Variants in PHACTR1 observed in about 807,000 individuals in gnomAD.
PHACTR1 encodes RPEL repeat containing 1.
A neutral mutation model predicts 69.2 loss-of-function variants in PHACTR1; 16 were observed. That is an observed-to-expected ratio of 0.23 (90% CI 0.16 to 0.35). The LOEUF (loss-of-function observed/expected upper bound fraction) is 0.35. Among genes scored for constraint, PHACTR1 ranks in the 10% least tolerant of loss-of-function variants. PHACTR1 has a pLI of 1.00. For synonymous variants in PHACTR1, 312 were observed against 284.5 expected (o/e 1.10, Z -0.97); for missense variants, 510 against 734.7 (o/e 0.69, Z 3.54).
intron 7 of PHACTR1, among the ~76,000 whole-genome samples, chr6:13,189,931 T>C (rs1296907091): frequency 6.6e-6 from 1 of 151,876 alleles, no homozygotes; most frequent in African/African-American, 2.4e-5. Context: ...CGGTTTCTAG[T>C]GACATATCTT....
intron 4 of PHACTR1, among the ~76,000 whole-genome samples, chr6:13,035,072 C>A (rs1803112536): frequency 6.6e-6 from 1 of 152,154 alleles, no homozygotes; most frequent in African/African-American, 2.4e-5. Context: ...TTGTGCCTGG[C>A]ATGATAATAT....
intron 4 of PHACTR1, among the ~76,000 whole-genome samples, chr6:12,887,475 C>T (rs927682899): frequency 1.3e-5 from 2 of 152,186 alleles, no homozygotes; most frequent in African/African-American, 4.8e-5. Flanking sequence ...TAGCCTCTTT[C>T]CTCCATCCTG....
At chr6:13,162,489 C>A (rs1318309161) in intron 6 of PHACTR1, among the ~76,000 whole-genome samples, 1 of 152,106 alleles carries the variant, frequency 6.6e-6, no homozygotes, top group South Asian at 2.1e-4. Flanking sequence ...CATATTCACC[C>A]CCCAGGAGAG....
chr6:12,749,170 A>C (rs1766200298), intron 3 of PHACTR1, among the ~76,000 whole-genome samples: 1 of 152,224 alleles, frequency 6.6e-6, no homozygotes. Context: ...AGGAGACCGT[A>C]GTGTGCACTT....
At chr6:12,878,021 C>A (rs1277997507) in intron 4 of PHACTR1, among the ~76,000 whole-genome samples, 6 of 152,184 alleles carry the variant, frequency 3.9e-5, no homozygotes, top group Non-Finnish European at 8.8e-5. Context: ...GTTTCCCAGT[C>A]ATATCATGCT....
chr6:12,886,856 C>T (rs1016616054), intron 4 of PHACTR1, among the ~76,000 whole-genome samples: 2 of 151,984 alleles, frequency 1.3e-5, no homozygotes, highest in African/African-American at 4.8e-5. Flanking sequence ...AAAAAAAATG[C>T]CTTTGCTGTC....
chr6:12,729,568 A>G (rs1763222719), intron 3 of PHACTR1, among the ~76,000 whole-genome samples: 1 of 152,204 alleles, frequency 6.6e-6, no homozygotes, highest in Admixed American at 6.5e-5. Context: ...GTAAGAGAAG[A>G]CTAGAACAGC....
intron 4 of PHACTR1, among the ~76,000 whole-genome samples, chr6:12,848,193 C>G (rs1364838150): frequency 6.6e-6 from 1 of 152,066 alleles, no homozygotes; most frequent in African/African-American, 2.4e-5. Context: ...GAGTAACTAA[C>G]CAACCCACAC....
rs114204573 is a variant in PHACTR1 at position 12,929,514 on chromosome 6, C to T, written c.251-123851C>T. Among the ~76,000 whole-genome samples, 582 of 152,272 alleles carry T rather than the reference C, an allele frequency of 3.8e-3. 6 individuals are homozygous for T. The highest frequency in any genetic ancestry group is 0.013 in the African/African-American group (557 of 41,552). ...TCTCAAATGTTATCCTCAGATGATG[C>T]ATTGGCCCTTTATTGGAAGAACTTG... On this transcript the variant is annotated intron_variant, in intron 4 of 14. Coordinates refer to ENST00000332995, the MANE Select transcript of PHACTR1 (RefSeq NM_030948.6).
intron 5 of PHACTR1, among the ~76,000 whole-genome samples, chr6:13,130,851 C>A (rs1233866057): frequency 6.6e-6 from 1 of 151,704 alleles, no homozygotes; most frequent in Non-Finnish European, 1.5e-5. Context: ...AAGGACATAA[C>A]AAAAAAAGAA....
At chr6:12,957,267 A>G (rs2127560825) in intron 4 of PHACTR1, 1 of 785,594 alleles carries the variant, frequency 1.3e-6, no homozygotes, top group East Asian at 1.3e-4. Context: ...AAAAAAAAAA[A>G]AAAAAAAAGC....
intron 4 of PHACTR1, among the ~76,000 whole-genome samples, chr6:12,850,479 T>A (rs1779724681): frequency 6.6e-6 from 1 of 152,184 alleles, no homozygotes; most frequent in African/African-American, 2.4e-5. Context: ...CTTTACTTCT[T>A]CATCATTTGT....
intron 4 of PHACTR1, among the ~76,000 whole-genome samples, chr6:12,810,915 A>G (rs865983198): frequency 6.6e-6 from 1 of 152,220 alleles, no homozygotes; most frequent in Non-Finnish European, 1.5e-5. Context: ...CCAGTTGCCC[A>G]TGAGTATCAG....
At chr6:13,253,183 C>T (rs1398902353) in intron 10 of PHACTR1, 6 of 299,350 alleles carry the variant, frequency 2.0e-5, no homozygotes, top group Admixed American at 3.5e-5. Context: ...TGGCCCTTTG[C>T]GGGTGACATT....
At chr6:12,984,823 G>C (rs1795946193) in intron 4 of PHACTR1, among the ~76,000 whole-genome samples, 3 of 152,184 alleles carry the variant, frequency 2.0e-5, no homozygotes, top group African/African-American at 7.2e-5. Flanking sequence ...TATAATACTG[G>C]AGAGTTCATC....
chr6:13,274,205 C>G (rs551612086), intron 11 of PHACTR1: 5 of 152,328 alleles, frequency 3.3e-5, no homozygotes, highest in African/African-American at 1.2e-4. Flanking sequence ...GCCGCCACTT[C>G]CTCAACTCTC....
intron 4 of PHACTR1, among the ~76,000 whole-genome samples, chr6:12,833,294 T>C (rs1035020062): frequency 2.6e-5 from 4 of 151,832 alleles, no homozygotes; most frequent in Non-Finnish European, 5.9e-5. Context: ...AGTCCTGCTC[T>C]GTCACCCAGG....
intron 5 of PHACTR1, among the ~76,000 whole-genome samples, chr6:13,099,844 A>T (rs115868663): frequency 0.015 from 2,276 of 152,326 alleles, 70 homozygotes; most frequent in African/African-American, 0.052. Flanking sequence ...CAAGACACAC[A>T]TTTAAAAATT....
intron 5 of PHACTR1, among the ~76,000 whole-genome samples, chr6:13,074,452 C>T (rs576476564): frequency 6.6e-6 from 1 of 152,090 alleles, no homozygotes; most frequent in Non-Finnish European, 1.5e-5. Flanking sequence ...TTTTGGAATA[C>T]AATGTGGCAA....
Sources: allele counts gnomAD v4.1 joint callset (sites outside exome capture counted in the v4.1 genomes callset), GRCh38; gene constraint gnomAD v4.1.1; transcripts MANE v1.5; gene names NCBI Gene and HGNC (gene_info 2026-07-23, HGNC 2026-07-21).